Variants in MAGI2 observed in about 807,000 individuals in gnomAD.
MAGI2 encodes the protein membrane-associated guanylate kinase, WW and PDZ domain-containing protein 2.
MAGI2 carries 35 observed loss-of-function variants against 133.3 expected under a neutral mutation model. The observed-to-expected ratio is 0.26, with a 90% CI of 0.20 to 0.35. The LOEUF (loss-of-function observed/expected upper bound fraction) is 0.35. Ranked by LOEUF, MAGI2 falls within the 10% of genes least tolerant of loss-of-function variation. The probability of loss-of-function intolerance (pLI) is 1.00; values close to 1 mark genes in which losing one functional copy is unlikely to be tolerated. For missense variants in MAGI2, 1,636 were observed against 1,863.4 expected (o/e 0.88, Z 2.25); for synonymous variants, 729 against 710.6 (o/e 1.03, Z -0.41).
intron 3 of MAGI2, among the ~76,000 whole-genome samples, chr7:78,530,357 T>C (rs1206820326): frequency 6.6e-6 from 1 of 152,220 alleles, no homozygotes; most frequent in Non-Finnish European, 1.5e-5. Context: ...CTCATCCATT[T>C]TTATCACTTT....
chr7:79,388,024 A>T (rs1844316240), intron 1 of MAGI2, among the ~76,000 whole-genome samples: 1 of 151,962 alleles, frequency 6.6e-6, no homozygotes, highest in Non-Finnish European at 1.5e-5. Context: ...AAATAATAAT[A>T]TTCCTGCTTG....
At chr7:78,161,640 C>A in intron 15 of MAGI2, among the ~76,000 whole-genome samples, 1 of 75,774 alleles carries the variant, frequency 1.3e-5, no homozygotes. Context: ...ACAAAGACTG[C>A]AAGAGACGTT....
At chr7:79,114,970 C>T (rs570022068) in intron 1 of MAGI2, among the ~76,000 whole-genome samples, 32 of 152,228 alleles carry the variant, frequency 2.1e-4, no homozygotes, top group Middle Eastern at 3.4e-3. Context: ...AATTGCTTCC[C>T]GTTTTTATTA....
chr7:78,319,201 T>C (rs763069561), intron 9 of MAGI2, among the ~76,000 whole-genome samples: 1 of 152,190 alleles, frequency 6.6e-6, no homozygotes, highest in Non-Finnish European at 1.5e-5. Context: ...GACTCATCAG[T>C]GTGCTGTATT....
chr7:79,368,692 C>G lies in MAGI2; in HGVS notation c.301+84328G>C, dbSNP rs551490526. Among the ~76,000 whole-genome samples the G allele has an allele frequency of 4.8e-3, 731 of 150,960 alleles. 1 individual carries two copies. Among genetic ancestry groups the G allele is most frequent in the Non-Finnish European group, 7.9e-3 (538 of 67,674 alleles). On this transcript the variant is annotated intron_variant, in intron 1 of 21. Transcript: ENST00000354212. ...TGAAACCCCGTCTCTACTAAAAATACAAAAAATTAGCCGGGCGTAGTGGCG... is the reference window on the plus strand; with the variant it reads ...TGAAACCCCGTCTCTACTAAAAATAGAAAAAATTAGCCGGGCGTAGTGGCG...
intron 20 of MAGI2, among the ~76,000 whole-genome samples, chr7:78,121,213 C>A (rs1820441896): frequency 1.4e-5 from 2 of 140,464 alleles, no homozygotes; most frequent in Non-Finnish European, 3.1e-5. Context: ...TCAAACAAGA[C>A]ACAGAAAGCA....
chr7:78,088,729 G>T (rs1163260762), intron 20 of MAGI2, among the ~76,000 whole-genome samples: 1 of 152,228 alleles, frequency 6.6e-6, no homozygotes, highest in Non-Finnish European at 1.5e-5. Flanking sequence ...AGGAGCAAAG[G>T]GTAAGAAATA....
intron 1 of MAGI2, among the ~76,000 whole-genome samples, chr7:79,059,850 C>T (rs1813539017): frequency 6.6e-6 from 1 of 152,076 alleles, no homozygotes; most frequent in Admixed American, 6.6e-5. Context: ...CAGCATGTTG[C>T]TCCTTCTGCA....
At chr7:78,621,315 C>A (rs1418516818) in intron 3 of MAGI2, 2 of 151,930 alleles carry the variant, frequency 1.3e-5, no homozygotes, top group Admixed American at 6.6e-5. Context: ...CATGAAGGTT[C>A]ATAGTTTCTA....
chr7:78,826,820 A>C (rs963508872), intron 2 of MAGI2, among the ~76,000 whole-genome samples: 5 of 152,188 alleles, frequency 3.3e-5, no homozygotes, highest in Non-Finnish European at 7.3e-5. Context: ...GACTAAAGGC[A>C]ATATAGACTA....
At chr7:79,266,546 A>G (rs868303227) in intron 1 of MAGI2, among the ~76,000 whole-genome samples, 70 of 152,140 alleles carry the variant, frequency 4.6e-4, no homozygotes, top group African/African-American at 1.5e-3. Context: ...AAAAGCTAAA[A>G]TAGGCAACTG....
intron 1 of MAGI2, among the ~76,000 whole-genome samples, chr7:79,345,603 G>T (rs1467990576): frequency 6.6e-6 from 1 of 152,034 alleles, no homozygotes; most frequent in East Asian, 1.9e-4. Context: ...AACTAAATTT[G>T]CTAAGTTTCA....
chr7:79,011,690 C>T (rs981373366), intron 1 of MAGI2, among the ~76,000 whole-genome samples: 3 of 152,156 alleles, frequency 2.0e-5, no homozygotes, highest in African/African-American at 4.8e-5. Flanking sequence ...GTAATCTACT[C>T]ATCCTGTGCT....
intron 1 of MAGI2, among the ~76,000 whole-genome samples, chr7:79,191,022 C>T (rs1827610256): frequency 2.0e-5 from 3 of 151,804 alleles, no homozygotes; most frequent in African/African-American, 7.3e-5. Context: ...TAATTCTGTT[C>T]GACTGCATGT....
chr7:78,216,432 G>T (rs1788275358), intron 10 of MAGI2, among the ~76,000 whole-genome samples: 1 of 152,172 alleles, frequency 6.6e-6, no homozygotes, highest in Admixed American at 6.5e-5. Flanking sequence ...CTTGTAATTG[G>T]CTTCCCCATG....
chr7:78,601,306 G>A (rs909102946), intron 3 of MAGI2, among the ~76,000 whole-genome samples: 3 of 152,002 alleles, frequency 2.0e-5, no homozygotes, highest in African/African-American at 7.3e-5. Context: ...TAAGAAAGTA[G>A]AACACAAGTT....
intron 9 of MAGI2, among the ~76,000 whole-genome samples, chr7:78,335,928 G>A (rs1294584149): frequency 6.6e-6 from 1 of 152,198 alleles, no homozygotes; most frequent in Non-Finnish European, 1.5e-5. Flanking sequence ...GAGGATGTAG[G>A]AGGGTTACCA....
chr7:78,685,917 C>G lies in MAGI2; in HGVS notation c.419-58678G>C, dbSNP rs375807724. On this transcript the variant is annotated intron_variant, in intron 2 of 21. Transcript: ENST00000354212. ...TAGTACTTACGTTCAAAAAATTTCT[C>G]AAAGAAAAAGAAGTTGATGGGTTCC... Among the ~76,000 whole-genome samples, 11 of 151,504 alleles carry G rather than the reference C, an allele frequency of 7.3e-5. No individual in the cohort carries two copies. The East Asian group carries it at 1.6e-3, about 21-fold the overall frequency.
At chr7:78,753,449 C>T (rs1054813896) in intron 2 of MAGI2, among the ~76,000 whole-genome samples, 14 of 152,104 alleles carry the variant, frequency 9.2e-5, no homozygotes, top group African/African-American at 3.1e-4. Flanking sequence ...TAAACAGCAC[C>T]TCTGTGACCT....
Sources: allele counts gnomAD v4.1 joint callset (sites outside exome capture counted in the v4.1 genomes callset), GRCh38; gene constraint gnomAD v4.1.1; transcripts MANE v1.5; gene names NCBI Gene and HGNC (gene_info 2026-07-23, HGNC 2026-07-21).